The following ANK3 variants were observed in gnomAD, a reference collection of about 807,000 sequenced individuals.
ANK3 encodes the protein ankyrin-3.
A neutral mutation model predicts 370.9 loss-of-function variants in ANK3; 57 were observed. That is an observed-to-expected ratio of 0.15 (90% CI 0.12 to 0.19). ANK3 has a LOEUF of 0.19. Among genes scored for constraint, ANK3 ranks in the 10% least tolerant of loss-of-function variants. The pLI is 1.00. For synonymous variants in ANK3, 1,929 were observed against 1,946.3 expected (o/e 0.99, Z 0.23); for missense variants, 4,439 against 5,302.1 (o/e 0.84, Z 5.06).
At position 60,067,507 on chromosome 10, in the gene ANK3, C is replaced by T. The variant is rs2081892884; in HGVS notation, c.12319+428G>A. On this transcript the variant is annotated intron_variant, in intron 38 of 43. Coordinates refer to ENST00000280772, the MANE Select transcript of ANK3 (RefSeq NM_020987.5). ...AGTGAATGACTAAAATTTGTGCAGC[C>T]TAGGCGTGGGTTAATTGAACTGTTG... Among the ~76,000 whole-genome samples the T allele has an allele frequency of 2.0e-5, 3 of 152,092 alleles. No individual in the cohort carries two copies. The South Asian group carries it at 6.2e-4, about 32-fold the overall frequency.
chr10:60,700,548 C>G (rs913109011), intron 1 of ANK3, among the ~76,000 whole-genome samples: 1 of 152,168 alleles, frequency 6.6e-6, no homozygotes, highest in South Asian at 2.1e-4. Context: ...GCAGAGGTGG[C>G]CAGCTGTGCA....
rs183142692 is a variant in ANK3 at position 60,181,309 on chromosome 10, G to A, written c.2184+20C>T. 2 of 1,607,002 alleles carry A rather than the reference G, an allele frequency of 1.2e-6. No homozygotes were observed. Among genetic ancestry groups the A allele is most frequent in the African/African-American group, 2.7e-5 (2 of 74,754 alleles). On this transcript the variant is annotated intron_variant, in intron 18 of 43. Transcript: ENST00000280772. ...CAAATGGACACATTCTTTTCCGTGT[G>A]GCAAGGGAGGGCCGTATACCTTTGT... is the stretch of plus-strand genomic sequence containing the variant.
At chr10:60,425,194 C>T (rs961664383) in intron 2 of ANK3, among the ~76,000 whole-genome samples, 1 of 151,940 alleles carries the variant, frequency 6.6e-6, no homozygotes, top group Non-Finnish European at 1.5e-5. Flanking sequence ...GCATTGTTCC[C>T]GTGGGCAAGT....
chr10:60,251,471 C>A (rs1429953202), intron 7 of ANK3, among the ~76,000 whole-genome samples: 1 of 152,162 alleles, frequency 6.6e-6, no homozygotes, highest in African/African-American at 2.4e-5. Flanking sequence ...GTGAGACTGA[C>A]CCATGCATTG....
intron 1 of ANK3, among the ~76,000 whole-genome samples, chr10:60,650,198 C>T (rs1193666936): frequency 6.6e-6 from 1 of 152,108 alleles, no homozygotes; most frequent in Non-Finnish European, 1.5e-5. Flanking sequence ...CAAACAGTGG[C>T]AAGGGGCCAA....
intron 23 of ANK3, chr10:60,139,736 A>G (rs541192124): frequency 1.3e-5 from 2 of 153,220 alleles, no homozygotes; most frequent in South Asian, 4.1e-4. Flanking sequence ...TCCAGAGATA[A>G]TATGGGTGCT....
rs536445116 is a variant in ANK3, at chr10:60,207,987, C to T, written c.1194+49G>A. ...ATTCCCTTCACATACAGAGGCAGCA[C>T]GTTGTGAGCAAGACAACTGAGGCTG... is the stretch of plus-strand genomic sequence containing the variant. On this transcript the variant is annotated intron_variant, in intron 10 of 43. Coordinates refer to ENST00000280772, the MANE Select transcript of ANK3 (RefSeq NM_020987.5). 6.5e-5 allele frequency: 98 copies of T among 1,504,848 alleles called. 1 individual carries two copies. In the South Asian group the frequency reaches 1.0e-3, roughly 16 times the overall value. The allele number at this position is 1,504,848 out of a possible 1,614,324, so 93.2% of individuals were successfully genotyped here.
chr10:60,232,341 A>G (rs189113416), intron 8 of ANK3, among the ~76,000 whole-genome samples: 295 of 147,764 alleles, frequency 2.0e-3, no homozygotes, highest in African/African-American at 6.9e-3. Context: ...TTCCCTTTGC[A>G]AAGATTCCTC....
chr10:60,097,012 G>A (rs2090277789), intron 28 of ANK3, among the ~76,000 whole-genome samples: 1 of 152,152 alleles, frequency 6.6e-6, no homozygotes, highest in Non-Finnish European at 1.5e-5. Context: ...TACAAAAAGA[G>A]GATTAGAGGG....
At position 60,196,628 on chromosome 10, in the gene ANK3, G is replaced by GAAAAAAA; in HGVS notation, c.1690-10_1690-4dup. On this transcript the variant is annotated splice_polypyrimidine_tract_variant and splice_region_variant and intron_variant, in intron 14 of 43. Coordinates refer to ENST00000280772, the MANE Select transcript of ANK3 (RefSeq NM_020987.5). ...ACATGAAGAGGAGTAAATCCTTTCT[G>GAAAAAAA]AAAAAAAAAAAACATAAAAATAATG... The GAAAAAAA allele has an allele frequency of 7.9e-7, 1 of 1,260,186 alleles. No individual in the cohort carries two copies. The highest frequency in any genetic ancestry group is 1.6e-5 in the African/African-American group (1 of 63,132). 78.1% of individuals were successfully genotyped at this position (1,260,186 alleles called of 1,614,324 possible).
intron 2 of ANK3, among the ~76,000 whole-genome samples, chr10:60,438,677 C>T (rs1446860158): frequency 1.3e-5 from 2 of 152,158 alleles, no homozygotes; most frequent in African/African-American, 4.8e-5. Context: ...CAGTACAAAA[C>T]CTCAATGGAG....
chr10:60,143,860 A>G (rs1474792721), intron 23 of ANK3, among the ~76,000 whole-genome samples: 3 of 152,208 alleles, frequency 2.0e-5, no homozygotes, highest in Non-Finnish European at 2.9e-5. Flanking sequence ...GCCAGTCCCA[A>G]TGTAAGAGAT....
In ANK3 at chr10:60,072,349, C is replaced by T. The variant is rs2082885443; in HGVS notation, c.8532G>A (p.Arg2844=). ...TAAAGACCTTTTTGTCCCATGGTCC[C>T]CTAGTTGCTAAATCTGAGGTTATAT... ...ACHITSDLAT[R]GPWDKKVFRT... is the part of the protein sequence containing the mutation. Residue 2844 remains arginine, a synonymous_variant, in exon 37 of 44, where the codon AGG becomes AGA. Transcript: ENST00000280772. The T allele has an allele frequency of 6.2e-6, 10 of 1,613,728 alleles. No individual in the cohort carries two copies. The highest frequency in any genetic ancestry group is 1.3e-5 in the African/African-American group (1 of 74,870).
intron 2 of ANK3, among the ~76,000 whole-genome samples, chr10:60,475,574 A>G (rs925405108): frequency 3.3e-5 from 5 of 152,258 alleles, no homozygotes; most frequent in Non-Finnish European, 7.3e-5. Context: ...CATCTGAACA[A>G]AAACCTGTTT....
intron 8 of ANK3, among the ~76,000 whole-genome samples, chr10:60,230,512 A>T (rs896318128): frequency 2.6e-5 from 4 of 152,350 alleles, no homozygotes; most frequent in Non-Finnish European, 4.4e-5. Context: ...CAGGAACATG[A>T]GTTAACAAGC....
rs2097307340 is a variant in ANK3, at chr10:60,235,049, T to A, written c.799-263A>T. 2.6e-5 allele frequency among the ~76,000 whole-genome samples: 4 copies of A among 152,220 alleles called. 1 individual carries two copies. Among genetic ancestry groups the A allele is most frequent in the Admixed American group, 2.6e-4 (4 of 15,284 alleles). On this transcript the variant is annotated intron_variant, in intron 7 of 43. Coordinates refer to ENST00000280772, the MANE Select transcript of ANK3 (RefSeq NM_020987.5). ...GGTGACTGATGGATGAAGTGATAAT[T>A]TGTTTTTTTGCTCAAAAGTCCTGCA...
intron 1 of ANK3, among the ~76,000 whole-genome samples, chr10:60,629,812 A>C (rs952314493): frequency 1.3e-5 from 2 of 152,186 alleles, no homozygotes; most frequent in African/African-American, 4.8e-5. Context: ...GAGAATATGT[A>C]ATTTATATTT....
chr10:60,281,199 C>T (rs1367492786), intron 1 of ANK3, among the ~76,000 whole-genome samples: 2 of 152,162 alleles, frequency 1.3e-5, no homozygotes, highest in African/African-American at 4.8e-5. Context: ...TTCTCTTTTA[C>T]AGTAATGAGC....
intron 2 of ANK3, among the ~76,000 whole-genome samples, chr10:60,593,224 T>G (rs143492814): frequency 1.3e-5 from 2 of 152,352 alleles, no homozygotes; most frequent in East Asian, 3.9e-4. Context: ...TAATTAACTC[T>G]TATTATCATA....
Sources: allele counts gnomAD v4.1 joint callset (sites outside exome capture counted in the v4.1 genomes callset), GRCh38; gene constraint gnomAD v4.1.1; transcripts MANE v1.5; gene names NCBI Gene and HGNC (gene_info 2026-07-23, HGNC 2026-07-21).